CECR2: variants seen among roughly 807,000 people sequenced by gnomAD.
CECR2 encodes the protein CECR2 histone acetyl-lysine reader.
CECR2 carries 30 observed loss-of-function variants against 154.5 expected under a neutral mutation model. The ratio of observed to expected loss-of-function variants is 0.19; its 90% CI spans 0.15 to 0.26. The LOEUF (loss-of-function observed/expected upper bound fraction) is 0.26, where lower values mean the gene tolerates loss of function less well. Among genes scored for constraint, CECR2 ranks in the 10% least tolerant of loss-of-function variants. The pLI is 1.00. For synonymous variants in CECR2, 725 were observed against 683.7 expected (o/e 1.06, Z -0.94); for missense variants, 1,743 against 1,829.3 (o/e 0.95, Z 0.86).
rs188173829 is a variant in CECR2 at position 17,542,484 on chromosome 22, A to G, written c.2341A>G (p.Thr781Ala). 1.2e-6 allele frequency: 2 copies of G among 1,613,960 alleles called. No homozygotes were observed. The highest frequency in any genetic ancestry group is 2.2e-5 in the East Asian group (1 of 44,870). ...CGTCTGGAATGGGAACCATGGTGCT[A>G]CGAACCAAGGACCCTTGGGCCCAGA... ...SAVWNGNHGA[T>A]NQGPLGPDEK... The change falls in exon 16 of 19, where the codon ACG (threonine) becomes GCG (alanine). Residue 781 changes from threonine to alanine, a missense_variant. Physicochemically the swap from Thr to Ala is moderately conservative, Grantham distance 58 (BLOSUM62 0). Coordinates refer to ENST00000262608, the MANE Select transcript of CECR2 (RefSeq NM_001290047.2).
chr22:17,408,078 A>G (rs538162466), intron 1 of CECR2, among the ~76,000 whole-genome samples: 36 of 152,170 alleles, frequency 2.4e-4, no homozygotes, highest in Non-Finnish European at 4.3e-4. Flanking sequence ...AAAATTAACT[A>G]TTAACCATTT....
intron 1 of CECR2, among the ~76,000 whole-genome samples, chr22:17,361,499 C>A (rs1393996463): frequency 1.4e-4 from 21 of 151,354 alleles, no homozygotes; most frequent in Non-Finnish European, 2.8e-4. Context: ...ACAAACAACA[C>A]CCCCCACCCA....
intron 1 of CECR2, among the ~76,000 whole-genome samples, chr22:17,417,657 C>T (rs976520475): frequency 6.6e-6 from 1 of 151,978 alleles, no homozygotes; most frequent in Non-Finnish European, 1.5e-5. Flanking sequence ...CTTGTTTTTT[C>T]AGCCAGGCTG....
intron 8 of CECR2, among the ~76,000 whole-genome samples, chr22:17,520,887 G>A (rs1019676697): frequency 2.0e-5 from 3 of 152,198 alleles, no homozygotes; most frequent in African/African-American, 7.2e-5. Flanking sequence ...TGTGAATAGC[G>A]CCGCAATAAA....
At chr22:17,511,701 C>T (rs1287082541) in intron 7 of CECR2, 112 bp from the exon 8 acceptor site, 6 of 790,126 alleles carry the variant, frequency 7.6e-6, no homozygotes, top group African/African-American at 6.8e-5. Context: ...TTGGCCCTAA[C>T]CTGTGTGCCT....
chr22:17,382,115 C>T (rs1344272541), intron 1 of CECR2, among the ~76,000 whole-genome samples: 2 of 151,692 alleles, frequency 1.3e-5, no homozygotes, highest in Non-Finnish European at 2.9e-5. Context: ...TGGTCTTGAT[C>T]TCCTGACCTT....
rs1413073561 is a variant in CECR2, at chr22:17,556,378, G to A, written c.*3538G>A. ...GTCGATTTACTCTGTCTTGTTCCCT[G>A]AAAGTGTTTCTTGTGACTAAGCATT... On this transcript the variant is annotated 3_prime_UTR_variant, in exon 19 of 19. Transcript: ENST00000262608. The A allele has an allele frequency of 6.6e-6, 1 of 152,174 alleles. No homozygotes were observed. The highest frequency in any genetic ancestry group is 1.5e-5 in the Non-Finnish European group (1 of 68,058). 9.4% of individuals were successfully genotyped at this position (152,174 alleles called of 1,614,324 possible).
chr22:17,409,375 C>T (rs1217833393), intron 1 of CECR2, among the ~76,000 whole-genome samples: 1 of 110,522 alleles, frequency 9.0e-6, no homozygotes, highest in East Asian at 2.0e-4. Flanking sequence ...TCGTGATCTG[C>T]CTGCCTCCCA....
intron 2 of CECR2, 123 bp from the exon 3 acceptor site, chr22:17,497,280 A>T: frequency 1.1e-6 from 1 of 909,242 alleles, no homozygotes; most frequent in Non-Finnish European, 1.6e-6. Flanking sequence ...ACAGAGCGAG[A>T]CCCTGTCTGT....
chr22:17,382,170 G>T (rs112011994), intron 1 of CECR2, among the ~76,000 whole-genome samples: 4 of 151,810 alleles, frequency 2.6e-5, no homozygotes, highest in Non-Finnish European at 5.9e-5. Context: ...GATTACAGGC[G>T]TGAGCCACTG....
At position 17,369,517 on chromosome 22, in the gene CECR2, C is replaced by T. The variant is rs1235028492; in HGVS notation, c.-267C>T. On this transcript the variant is annotated 5_prime_UTR_variant, in exon 1 of 19. Transcript: ENST00000262608. The stretch of plus-strand genomic sequence containing the variant: ...GTAGGGGACTGGGGGCGGCCGCCGC[C>T]GCAGCCGCGGGATGGGGCGAGCGCG... 4.7e-5 allele frequency: 7 copies of T among 149,090 alleles called. No homozygotes were observed. Among genetic ancestry groups the T allele is most frequent in the Non-Finnish European group, 1.0e-4 (7 of 66,926 alleles). 9.2% of individuals were successfully genotyped at this position (149,090 alleles called of 1,614,324 possible).
intron 1 of CECR2, among the ~76,000 whole-genome samples, chr22:17,402,159 A>AT (rs2053903690): frequency 1.3e-5 from 2 of 151,986 alleles, no homozygotes; most frequent in African/African-American, 4.8e-5. Flanking sequence ...AATTTCTTGT[A>AT]TTTTTAGTAG....
At chr22:17,416,999 C>G (rs1313542373) in intron 1 of CECR2, among the ~76,000 whole-genome samples, 3 of 150,080 alleles carry the variant, frequency 2.0e-5, no homozygotes, top group Admixed American at 2.0e-4. Context: ...ATACGTATAT[C>G]ACATCAACAT....
At chr22:17,439,005 A>C (rs1358249343) in intron 1 of CECR2, among the ~76,000 whole-genome samples, 1 of 152,130 alleles carries the variant, frequency 6.6e-6, no homozygotes, top group African/African-American at 2.4e-5. Context: ...GTGAGACCTC[A>C]TCTCTACACA....
intron 1 of CECR2, among the ~76,000 whole-genome samples, chr22:17,407,216 C>A (rs2053997410): frequency 6.6e-6 from 1 of 152,198 alleles, no homozygotes; most frequent in Non-Finnish European, 1.5e-5. Context: ...AGTGTAAAAT[C>A]ATTTCCTTAG....
chr22:17,538,896 G>A, intron 12 of CECR2, 97 bp from the exon 13 acceptor site: 1 of 1,440,072 alleles, frequency 6.9e-7, no homozygotes, highest in Non-Finnish European at 9.5e-7. Flanking sequence ...TTACAGATCA[G>A]CATTGCTGAA....
intron 9 of CECR2, among the ~76,000 whole-genome samples, chr22:17,529,307 GAGCAGAGCAGAGC>G (rs2056315637): frequency 6.6e-6 from 1 of 151,182 alleles, no homozygotes; most frequent in Admixed American, 6.6e-5. Context: ...GGCTGGAGCG[GAGCAGAGCAGAGC>G]AAGCACAGGA....
chr22:17,460,022 C>G (rs1342821530), intron 1 of CECR2, among the ~76,000 whole-genome samples: 1 of 152,140 alleles, frequency 6.6e-6, no homozygotes, highest in African/African-American at 2.4e-5. Flanking sequence ...CTTCCTCTTC[C>G]TTTCTCCAGC....
At chr22:17,432,033 C>A (rs2054432544) in intron 1 of CECR2, among the ~76,000 whole-genome samples, 1 of 149,770 alleles carries the variant, frequency 6.7e-6, no homozygotes, top group African/African-American at 2.5e-5. Context: ...AATCACACAG[C>A]CCCACTTTGT....
Sources: gnomAD v4.1 joint callset for allele counts (sites outside exome capture counted in the v4.1 genomes callset) on GRCh38, gnomAD v4.1.1 for gene constraint, MANE v1.5 for transcripts, NCBI Gene and HGNC (gene_info 2026-07-23, HGNC 2026-07-21) for gene names.